Variants in DPYD observed in about 807,000 individuals in gnomAD.
DPYD encodes dihydropyrimidine dehydrogenase [NADP(+)].
A neutral mutation model predicts 116.2 loss-of-function variants in DPYD; 109 were observed. The observed-to-expected ratio is 0.94, with a 90% CI of 0.80 to 1.10. DPYD has a LOEUF of 1.10. DPYD is among the 50% of genes least tolerant of loss of function. The pLI is 0.00. For synonymous variants in DPYD, 440 were observed against 432.0 expected (o/e 1.02, Z -0.23); for missense variants, 1,302 against 1,254.5 (o/e 1.04, Z -0.57).
At chr1:97,274,016 G>A (rs1359515380) in intron 18 of DPYD, among the ~76,000 whole-genome samples, 2 of 152,086 alleles carry the variant, frequency 1.3e-5, no homozygotes, top group African/African-American at 4.8e-5. Flanking sequence ...TATCATCACA[G>A]CCTGTGAATT....
intron 9 of DPYD, 142 bp from the exon 10 acceptor site, chr1:97,593,529 T>C: frequency 2.2e-6 from 2 of 925,256 alleles, no homozygotes; most frequent in African/African-American, 1.6e-5. Context: ...ATTATTCTGC[T>C]TCATTGAAAG....
At chr1:97,542,125 G>A (rs1228983605) in intron 12 of DPYD, among the ~76,000 whole-genome samples, 1 of 152,208 alleles carries the variant, frequency 6.6e-6, no homozygotes, top group Non-Finnish European at 1.5e-5. Flanking sequence ...ACTCCAAATT[G>A]AAATCCTAGC....
chr1:97,667,419 C>G (rs74886436), intron 8 of DPYD, among the ~76,000 whole-genome samples: 2 of 151,992 alleles, frequency 1.3e-5, no homozygotes, highest in Admixed American at 6.6e-5. Flanking sequence ...TGTTTATATA[C>G]TTAAAAATTT....
chr1:97,716,700 C>A (rs1345794426), intron 5 of DPYD, among the ~76,000 whole-genome samples: 1 of 151,942 alleles, frequency 6.6e-6, no homozygotes, highest in Non-Finnish European at 1.5e-5. Flanking sequence ...GGTCAATAAA[C>A]AGATGAGAAA....
At chr1:97,335,299 TACACACAC>T (rs35371362) in intron 16 of DPYD, among the ~76,000 whole-genome samples, 11,998 of 136,216 alleles carry the variant, frequency 0.088, 516 homozygotes, top group Middle Eastern at 0.12. Flanking sequence ...TGGAGTTAAG[TACACACAC>T]ACACACACAC....
chr1:97,618,293 A>C (rs1175470300), intron 8 of DPYD, among the ~76,000 whole-genome samples: 1 of 109,982 alleles, frequency 9.1e-6, no homozygotes, highest in Admixed American at 7.9e-5. Context: ...AGAAATTGAC[A>C]AAAAAAATCA....
intron 3 of DPYD, among the ~76,000 whole-genome samples, chr1:97,755,166 T>C (rs1333397586): frequency 6.6e-6 from 1 of 152,158 alleles, no homozygotes; most frequent in African/African-American, 2.4e-5. Flanking sequence ...GTGCTGTAAA[T>C]GCAGCATCTT....
At chr1:97,341,003 C>G (rs564275017) in intron 16 of DPYD, among the ~76,000 whole-genome samples, 245 of 152,198 alleles carry the variant, frequency 1.6e-3, no homozygotes, top group Admixed American at 3.9e-3. Context: ...CCTACCTCAC[C>G]CCTTTATCAA....
intron 13 of DPYD, among the ~76,000 whole-genome samples, chr1:97,474,736 T>C (rs947489375): frequency 6.6e-6 from 1 of 152,020 alleles, no homozygotes; most frequent in East Asian, 1.9e-4. Context: ...ATATTTAATT[T>C]TGGCATTTTG....
chr1:97,419,645 T>A (rs1674474622), intron 14 of DPYD, among the ~76,000 whole-genome samples: 1 of 152,172 alleles, frequency 6.6e-6, no homozygotes, highest in African/African-American at 2.4e-5. Context: ...CTATTAATGT[T>A]GTGTATCTTT....
At chr1:97,354,424 T>G (rs900171920) in intron 16 of DPYD, among the ~76,000 whole-genome samples, 1 of 151,320 alleles carries the variant, frequency 6.6e-6, no homozygotes, top group Admixed American at 6.7e-5. Flanking sequence ...AAATGCTCAT[T>G]CTTAAACAAA....
At chr1:97,367,283 TA>T (rs1036652361) in intron 16 of DPYD, among the ~76,000 whole-genome samples, 43 of 148,592 alleles carry the variant, frequency 2.9e-4, no homozygotes, top group African/African-American at 4.0e-4. Flanking sequence ...CTCTTTTTTT[TA>T]AAAAAAAAAA....
intron 18 of DPYD, among the ~76,000 whole-genome samples, chr1:97,271,142 G>A (rs536920402): frequency 2.0e-5 from 3 of 152,316 alleles, no homozygotes; most frequent in African/African-American, 7.2e-5. Context: ...GATAAGGCAC[G>A]GAGTGTGGGG....
intron 11 of DPYD, among the ~76,000 whole-genome samples, chr1:97,565,819 G>C (rs946196931): frequency 3.9e-5 from 6 of 152,116 alleles, no homozygotes; most frequent in Admixed American, 3.3e-4. Context: ...TCATTGCATG[G>C]TGAATAATGA....
chr1:97,411,257 G>A (rs1673976985), intron 14 of DPYD, among the ~76,000 whole-genome samples: 1 of 152,042 alleles, frequency 6.6e-6, no homozygotes, highest in African/African-American at 2.4e-5. Flanking sequence ...TCTCTGAGCT[G>A]GCACAATAAT....
chr1:97,393,788 A>G (rs1463820130), intron 14 of DPYD, among the ~76,000 whole-genome samples: 1 of 152,080 alleles, frequency 6.6e-6, no homozygotes, highest in African/African-American at 2.4e-5. Context: ...ATGATTTATA[A>G]TCCTTTGGGT....
intron 18 of DPYD, among the ~76,000 whole-genome samples, chr1:97,250,654 A>T (rs1264511349): frequency 6.6e-6 from 1 of 152,230 alleles, no homozygotes; most frequent in Non-Finnish European, 1.5e-5. Context: ...CACACATGGA[A>T]GTAGCAGGGA....
chr1:97,773,540 C>G (rs370618778), intron 3 of DPYD, among the ~76,000 whole-genome samples: 1 of 152,126 alleles, frequency 6.6e-6, no homozygotes, highest in Non-Finnish European at 1.5e-5. Context: ...CATGCTCCCC[C>G]CATCCTGTGC....
rs576208296 is a variant in DPYD at position 97,247,623 on chromosome 1, T to C, written c.2300-12629A>G. ...AAATAGAATAAAATAGAATAATCTA[T>C]GTAAAGCAGGCAGCACAGTGACAAG... On this transcript the variant is annotated intron_variant, in intron 18 of 22. Transcript: ENST00000370192. 4.6e-5 allele frequency among the ~76,000 whole-genome samples: 7 copies of C among 152,286 alleles called. No individual in the cohort carries two copies. In the East Asian group the frequency reaches 5.8e-4, roughly 13 times the overall value.
Sources: gnomAD v4.1 joint callset for allele counts (sites outside exome capture counted in the v4.1 genomes callset) on GRCh38, gnomAD v4.1.1 for gene constraint, MANE v1.5 for transcripts, NCBI Gene and HGNC (gene_info 2026-07-23, HGNC 2026-07-21) for gene names.